The following KPNA1 variants were observed in gnomAD, a reference collection of about 807,000 sequenced individuals.
The protein encoded by KPNA1 is importin subunit alpha-5.
Under a neutral mutation model 70.5 loss-of-function variants are expected in KPNA1, and 10 were observed. The observed-to-expected ratio is 0.14, with a 90% CI of 0.09 to 0.24. The LOEUF is 0.24. Among genes scored for constraint, KPNA1 ranks in the 10% least tolerant of loss-of-function variants. The pLI is 1.00. For missense variants in KPNA1, 397 were observed against 637.9 expected (o/e 0.62, Z 4.07); for synonymous variants, 192 against 221.9 (o/e 0.87, Z 1.20).
intron 5 of KPNA1, among the ~76,000 whole-genome samples, chr3:122,456,453 A>G (rs1003868352): frequency 6.6e-6 from 1 of 152,230 alleles, no homozygotes; most frequent in African/African-American, 2.4e-5. Context: ...AATTATAATA[A>G]TAACCTGGGT....
intron 2 of KPNA1, among the ~76,000 whole-genome samples, chr3:122,476,873 A>AAAAAAAAAAAAAC (rs1250125667): frequency 2.7e-5 from 4 of 150,324 alleles, no homozygotes; most frequent in Non-Finnish European, 4.4e-5. Flanking sequence ...AAAAAAAAAA[A>AAAAAAAAAAAAAC]AAAAAAAAAA....
chr3:122,440,910 A>C (rs368562546), intron 10 of KPNA1, among the ~76,000 whole-genome samples: 3 of 152,350 alleles, frequency 2.0e-5, no homozygotes, highest in South Asian at 2.1e-4. Flanking sequence ...TTGTGTACAG[A>C]ATATATTTAA....
At chr3:122,488,876 G>A (rs1202636613) in intron 2 of KPNA1, among the ~76,000 whole-genome samples, 1 of 152,106 alleles carries the variant, frequency 6.6e-6, no homozygotes, top group African/African-American at 2.4e-5. Context: ...TTCTTGTGAT[G>A]GGGATTCACT....
At chr3:122,463,818 G>A in intron 4 of KPNA1, 124 bp downstream of exon 4, 1 of 512,656 alleles carries the variant, frequency 2.0e-6, no homozygotes, top group South Asian at 3.4e-5. Flanking sequence ...ATATATGTCT[G>A]TATTTTTATT....
chr3:122,489,277 CTTTGTTTGTTTTTT>C (rs1158698637), intron 2 of KPNA1, among the ~76,000 whole-genome samples: 20 of 150,404 alleles, frequency 1.3e-4, no homozygotes, highest in South Asian at 4.2e-4. Context: ...TACCTTTTTA[CTTTGTTTGTTTTTT>C]TTTGTTTGTT....
chr3:122,494,812 A>G (rs1228805134), intron 2 of KPNA1, among the ~76,000 whole-genome samples: 1 of 152,188 alleles, frequency 6.6e-6, no homozygotes. Flanking sequence ...TTAATCAAAG[A>G]GTGCCACTGC....
chr3:122,433,464 C>T (rs537927112), intron 12 of KPNA1, among the ~76,000 whole-genome samples, 197 bp downstream of exon 12: 10 of 152,200 alleles, frequency 6.6e-5, no homozygotes, highest in Non-Finnish European at 1.2e-4. Flanking sequence ...ATTAAATACA[C>T]ATCTAATTAT....
intron 4 of KPNA1, among the ~76,000 whole-genome samples, chr3:122,461,642 A>C (rs1230769798): frequency 6.6e-6 from 1 of 152,204 alleles, no homozygotes; most frequent in Non-Finnish European, 1.5e-5. Flanking sequence ...GTTCTGGTAT[A>C]CTTCCTTCTA....
chr3:122,509,517 G>A (rs1213381276), intron 1 of KPNA1, among the ~76,000 whole-genome samples: 2 of 152,040 alleles, frequency 1.3e-5, no homozygotes, highest in Non-Finnish European at 2.9e-5. Context: ...CTGCATTACA[G>A]AATTCTACAT....
At chr3:122,468,010 T>C (rs893209212) in intron 2 of KPNA1, among the ~76,000 whole-genome samples, 16 of 152,336 alleles carry the variant, frequency 1.1e-4, no homozygotes, top group Middle Eastern at 3.4e-3. Flanking sequence ...ATTACCATTA[T>C]ATCCTTATGA....
intron 9 of KPNA1, 84 bp from the exon 10 acceptor site, chr3:122,442,200 A>G (rs976627425): frequency 1.9e-6 from 2 of 1,040,212 alleles, no homozygotes; most frequent in African/African-American, 3.2e-5. Context: ...AAAAACAAAA[A>G]AATTGTGATA....
intron 1 of KPNA1, among the ~76,000 whole-genome samples, chr3:122,499,495 G>A (rs946774513): frequency 6.6e-6 from 1 of 151,706 alleles, no homozygotes. Flanking sequence ...GCTCATGTCT[G>A]TAATTCTAGC....
At chr3:122,490,666 G>A (rs2076687952) in intron 2 of KPNA1, among the ~76,000 whole-genome samples, 1 of 152,116 alleles carries the variant, frequency 6.6e-6, no homozygotes, top group Admixed American at 6.6e-5. Context: ...TTTTTGCAAG[G>A]AACCTGGTTC....
intron 2 of KPNA1, among the ~76,000 whole-genome samples, chr3:122,495,262 C>CAAAAAAAAAAAAAAAAAAAAAAAAA (rs748751423): frequency 2.4e-4 from 21 of 86,372 alleles, no homozygotes; most frequent in East Asian, 1.2e-3. Context: ...TCAAACAAAC[C>CAAAAAAAAAAAAAAAAAAAAAAAAA]AAAAAAAAAA....
chr3:122,469,865 T>C (rs187382619), intron 2 of KPNA1, among the ~76,000 whole-genome samples: 34 of 152,276 alleles, frequency 2.2e-4, no homozygotes, highest in Non-Finnish European at 4.4e-4. Context: ...AAGTGAAATA[T>C]TTGAAGTGTT....
intron 1 of KPNA1, among the ~76,000 whole-genome samples, chr3:122,509,252 A>C (rs2107511748): frequency 6.6e-6 from 1 of 152,092 alleles, no homozygotes; most frequent in East Asian, 1.9e-4. Context: ...TCAAACAAAA[A>C]AAAAAAAAAG....
At chr3:122,496,133 TAAAG>T (rs1485651316) in intron 2 of KPNA1, among the ~76,000 whole-genome samples, 7 of 152,280 alleles carry the variant, frequency 4.6e-5, no homozygotes, top group South Asian at 2.1e-4. Flanking sequence ...AAAAAAATCT[TAAAG>T]AAGAAAGTTG....
At chr3:122,506,478 A>G (rs1190150459) in intron 1 of KPNA1, among the ~76,000 whole-genome samples, 1 of 152,250 alleles carries the variant, frequency 6.6e-6, no homozygotes, top group African/African-American at 2.4e-5. Flanking sequence ...GAAATTAGAA[A>G]AGAAAATTAA....
At chr3:122,433,160 A>C (rs2075935428) in intron 12 of KPNA1, 1 of 152,402 alleles carries the variant, frequency 6.6e-6, no homozygotes, top group Non-Finnish European at 1.5e-5. Context: ...AGAATACCAT[A>C]GTACTTTAGA....
Sources: gnomAD v4.1 joint callset for allele counts (sites outside exome capture counted in the v4.1 genomes callset) on GRCh38, gnomAD v4.1.1 for gene constraint, MANE v1.5 for transcripts, NCBI Gene and HGNC (gene_info 2026-07-23, HGNC 2026-07-21) for gene names.